ZNF467: variants seen among roughly 807,000 people sequenced by gnomAD.
The protein encoded by ZNF467 is zinc finger protein EZI.
ZNF467 carries 51 observed loss-of-function variants against 47.8 expected under a neutral mutation model. The observed-to-expected ratio is 1.07, with a 90% confidence interval of 0.85 to 1.35. ZNF467 has a LOEUF of 1.35. ZNF467 is among the 40% of genes most tolerant of loss of function. The pLI, the probability that ZNF467 is intolerant of heterozygous loss-of-function variation, is 0.00. For synonymous variants in ZNF467, 416 were observed against 372.9 expected (o/e 1.12, Z -1.33); for missense variants, 992 against 858.1 (o/e 1.16, Z -1.95).
In ZNF467 at chr7:149,764,415, C is replaced by G. The variant is rs185205901; in HGVS notation, c.*299G>C. The G allele has an allele frequency of 1.7e-6, 1 of 590,764 alleles. No homozygotes were observed. Among genetic ancestry groups the G allele is most frequent in the Non-Finnish European group, 3.0e-6 (1 of 331,066 alleles). 36.6% of individuals were successfully genotyped at this position (590,764 alleles called of 1,614,324 possible). On this transcript the variant is annotated 3_prime_UTR_variant, in exon 5 of 5. Coordinates refer to ENST00000302017, the MANE Select transcript of ZNF467 (RefSeq NM_207336.3). The stretch of plus-strand genomic sequence containing the variant: ...TAAGTACATAAATAACCACTCTTTC[C>G]TGCCCTGGTTGAGGCCGCGCTGGGT...
chr7:149,775,927 G>A, upstream of ZNF467: 1 of 782,060 alleles, frequency 1.3e-6, no homozygotes, highest in South Asian at 1.4e-5. Context: ...TGGGCTGCGG[G>A]GAGGCTGCGT....
At chr7:149,772,794 C>G (rs1799467117) in intron 1 of ZNF467, among the ~76,000 whole-genome samples, 1 of 138,862 alleles carries the variant, frequency 7.2e-6, no homozygotes, top group South Asian at 2.5e-4. Flanking sequence ...CCCTCCCACA[C>G]TCCCTCTCTC....
upstream of ZNF467, among the ~76,000 whole-genome samples, chr7:149,775,038 T>G (rs576903139): frequency 1.7e-3 from 263 of 152,136 alleles, no homozygotes; most frequent in African/African-American, 6.2e-3. Flanking sequence ...GGGACCAGGG[T>G]GGACCCCGGA....
At position 149,765,337 on chromosome 7, in the gene ZNF467, A is replaced by T; in HGVS notation, c.1165T>A (p.Cys389Ser). Residue 389 changes from cysteine (C) to serine (S), a missense_variant, in exon 5 of 5, where the codon TGC becomes AGC. Physicochemically the swap from Cys to Ser is moderately radical, Grantham distance 112 (BLOSUM62 -1). Transcript: ENST00000302017. Reference protein sequence around the residue: ...SEGRPFGCDECALGATVDAPA... With the variant: ...SEGRPFGCDESALGATVDAPA... The stretch of plus-strand genomic sequence containing the variant: ...GCATCCACGGTGGCGCCCAGTGCGC[A>T]CTCATCGCACCCAAAGGGGCGACCC... 6.6e-7 allele frequency: 1 copy of T among 1,517,242 alleles called. No individual in the cohort carries two copies. The highest frequency in any genetic ancestry group is 2.2e-4 in the Middle Eastern group (1 of 4,636). The allele number at this position is 1,517,242 out of a possible 1,614,324, so 94.0% of individuals were successfully genotyped here.
chr7:149,768,006 G>A (rs145557165), intron 4 of ZNF467, among the ~76,000 whole-genome samples: 14 of 152,200 alleles, frequency 9.2e-5, no homozygotes, highest in East Asian at 3.9e-4. Context: ...AGCCTAGAAC[G>A]TCTTCCCATC....
rs775928123 is a variant in ZNF467 at position 149,765,432 on chromosome 7, C to T, written c.1070G>A (p.Cys357Tyr). ...GCCGAAGCTCAAGCCGCAGTCGGAG[C>T]ACGCGAAAGGCTTTGGCCCGGGAAA... ...PSFPGPKPFA[C>Y]SDCGLSFGWK... The change falls in exon 5 of 5, where the codon TGC becomes TAC. Residue 357 changes from cysteine (C) to tyrosine (Y), a missense_variant. Cys to Tyr is a radical substitution (Grantham distance 194). Transcript: ENST00000302017. 2 of 1,580,026 alleles carry T rather than the reference C, an allele frequency of 1.3e-6. No homozygotes were observed. Among genetic ancestry groups the T allele is most frequent in the South Asian group, 1.2e-5 (1 of 86,460 alleles).
rs760312064 is a variant in ZNF467, at chr7:149,765,582, CGTGCGCACT to C, written c.911_919del (p.Gln304_Ala306del). The C allele has an allele frequency of 5.0e-5, 80 of 1,595,474 alleles. 1 individual carries two copies. The highest frequency in any genetic ancestry group is 4.8e-4 in the South Asian group (43 of 88,794). On this transcript the variant is annotated inframe_deletion, in exon 5 of 5. Coordinates refer to ENST00000302017, the MANE Select transcript of ZNF467 (RefSeq NM_207336.3). ...CAAGTGCTGCTTGTGCGTGAAGCTG[CGTGCGCACT>C]GTGCGCACTGGTAGGGCCTCTCGCC...
At chr7:149,773,882 C>A (rs935647221), upstream of ZNF467, among the ~76,000 whole-genome samples, 1 of 152,134 alleles carries the variant, frequency 6.6e-6, no homozygotes, top group Admixed American at 6.5e-5. Context: ...GTCCCGAGGA[C>A]CCGATTCGAA....
In ZNF467 at chr7:149,765,813, TG is replaced by T; in HGVS notation, c.688del (p.His230IlefsTer2). ...GTGCGTGCGCAGGTGGCGGGTCAGATGGGCCTTCTTGCTGAAGCGCTTGTCG... is the reference window on the plus strand; with the variant it reads ...GTGCGTGCGCAGGTGGCGGGTCAGATGGCCTTCTTGCTGAAGCGCTTGTCG... ...ECDKRFSKKA[H>X]LTRHLRTHTG... On this transcript the variant is annotated frameshift_variant, in exon 5 of 5. Transcript: ENST00000302017. LOFTEE classifies it high-confidence loss of function. 1 of 1,610,770 alleles carries T rather than the reference TG, an allele frequency of 6.2e-7. No homozygotes were observed. The highest frequency in any genetic ancestry group is 1.1e-5 in the South Asian group (1 of 90,676).
intron 4 of ZNF467, among the ~76,000 whole-genome samples, chr7:149,768,463 C>G (rs1036414212): frequency 1.3e-5 from 2 of 152,328 alleles, no homozygotes; most frequent in African/African-American, 4.8e-5. Flanking sequence ...CAAACCAGGT[C>G]CAGGTAACTC....
chr7:149,773,184 A>G lies in ZNF467; in HGVS notation c.-119T>C, dbSNP rs920422766. On this transcript the variant is annotated 5_prime_UTR_variant, in exon 1 of 5. Coordinates refer to ENST00000302017, the MANE Select transcript of ZNF467 (RefSeq NM_207336.3). Reference sequence around the variant, plus strand: ...TCCTGCCCCGCCGGCTCTGCTCACAATGGCGCTCGCCGCCTGCAGCTCGGG... The same window carrying G: ...TCCTGCCCCGCCGGCTCTGCTCACAGTGGCGCTCGCCGCCTGCAGCTCGGG... 5.3e-5 allele frequency: 8 copies of G among 150,408 alleles called. No individual in the cohort carries two copies. The highest frequency in any genetic ancestry group is 1.5e-4 in the African/African-American group (6 of 40,916). 9.3% of individuals were successfully genotyped at this position (150,408 alleles called of 1,614,324 possible).
At position 149,764,952 on chromosome 7, in the gene ZNF467, C is replaced by T; in HGVS notation, c.1550G>A (p.Cys517Tyr). The change falls in exon 5 of 5, where the codon TGC (cysteine) becomes TAC (tyrosine). Residue 517 changes from cysteine (C) to tyrosine (Y), a missense_variant. Coordinates refer to ENST00000302017, the MANE Select transcript of ZNF467 (RefSeq NM_207336.3). ...AVHTGSRPHA[C>Y]AVCARSFSSK... is the part of the protein sequence containing the mutation. ...GCTGAAGCTGCGGGCGCAGACGGCG[C>T]AGGCGTGGGGGCGGCTGCCAGTGTG... The T allele has an allele frequency of 6.3e-7, 1 of 1,585,378 alleles. No individual in the cohort carries two copies.
chr7:149,765,589 A>G lies in ZNF467; in HGVS notation c.913T>C (p.Cys305Arg), dbSNP rs755176689. The G allele has an allele frequency of 1.9e-6, 3 of 1,598,632 alleles. No homozygotes were observed. The highest frequency in any genetic ancestry group is 2.6e-6 in the Non-Finnish European group (3 of 1,172,760). The change falls in exon 5 of 5, where the codon TGC becomes CGC. Residue 305 changes from cysteine (C) to arginine (R), a missense_variant. Cys to Arg is a radical substitution (Grantham distance 180). Transcript: ENST00000302017. Reference sequence around the variant, plus strand: ...TGCTTGTGCGTGAAGCTGCGTGCGCACTGTGCGCACTGGTAGGGCCTCTCG... The same window carrying G: ...TGCTTGTGCGTGAAGCTGCGTGCGCGCTGTGCGCACTGGTAGGGCCTCTCG... ...TGERPYQCAQ[C>R]ARSFTHKQHL...
At position 149,773,485 on chromosome 7, in the gene ZNF467, G is replaced by GGGGGAGGGGA. The variant is rs368152481; in HGVS notation, c.-430_-421dup. On this transcript the variant is annotated 5_prime_UTR_variant, in exon 1 of 5. Coordinates refer to ENST00000302017, the MANE Select transcript of ZNF467 (RefSeq NM_207336.3). ...AGGTGTGGAAGTGGGAGCTCAGGAC[G>GGGGGAGGGGA]GGGGAGGGGAGGGGAGGGGAGGGGA... 1.0e-5 allele frequency: 1 copy of GGGGGAGGGGA among 98,370 alleles called. No individual in the cohort carries two copies. Among genetic ancestry groups the GGGGGAGGGGA allele is most frequent in the African/African-American group, 5.6e-5 (1 of 17,848 alleles). The allele number at this position is 98,370 out of a possible 1,614,324, so 6.1% of individuals were successfully genotyped here. A position where few individuals can be genotyped will look rare whatever the true frequency, so the allele number is the denominator to read the frequency against.
intron 1 of ZNF467, among the ~76,000 whole-genome samples, 189 bp downstream of exon 1, chr7:149,772,919 G>A (rs1799472566): frequency 8.5e-6 from 1 of 117,404 alleles, no homozygotes; most frequent in Non-Finnish European, 1.7e-5. Context: ...CCCTCACCCT[G>A]CCCGCGCCGG....
In ZNF467 at chr7:149,770,503, A is replaced by C. The variant is rs1362462980; in HGVS notation, c.88T>G (p.Ser30Ala). ...GACATCTGCTCCTGGGCATTATGGG[A>C]TCCTTCCCTGGGCTCACTTTGGGGG... ...MAPQSEPREG[S>A]HNAQEQMSSS... is the part of the protein sequence containing the mutation. Residue 30 changes from serine to alanine, a missense_variant, in exon 3 of 5, where the codon TCC becomes GCC. Physicochemically the swap from Ser to Ala is moderately conservative, Grantham distance 99 (BLOSUM62 1). Transcript: ENST00000302017. The C allele has an allele frequency of 1.4e-5, 23 of 1,613,680 alleles. No individual in the cohort carries two copies. Among genetic ancestry groups the C allele is most frequent in the Non-Finnish European group, 1.7e-5 (20 of 1,179,904 alleles).
rs536570632 is a variant in ZNF467, at chr7:149,769,972, C to T, written c.151+468G>A. 6.6e-6 allele frequency among the ~76,000 whole-genome samples: 1 copy of T among 152,128 alleles called. No individual in the cohort carries two copies. The highest frequency in any genetic ancestry group is 2.4e-5 in the African/African-American group (1 of 41,412). On this transcript the variant is annotated intron_variant, in intron 3 of 4. Transcript: ENST00000302017. The surrounding 1 kb of genome is among the most constrained non-coding windows in gnomAD (Gnocchi z 5.3). ...GAATACAGGCATAAGCCACCATGCC[C>T]GGCTTCCCCAAGCTCCTTCAAATCC...
At chr7:149,771,523 G>A (rs117792503) in intron 1 of ZNF467, among the ~76,000 whole-genome samples, 1,809 of 152,250 alleles carry the variant, frequency 0.012, 18 homozygotes, top group Non-Finnish European at 0.019. Context: ...CAGCCCAGGG[G>A]CGGGAGTGAG....
Position 149,764,425 on chromosome 7 carries a change from T to C in ZNF467, c.*289A>G. On this transcript the variant is annotated 3_prime_UTR_variant, in exon 5 of 5. Transcript: ENST00000302017. ...AATAACCACTCTTTCCTGCCCTGGT[T>C]GAGGCCGCGCTGGGTCCGGGAAATA... is the stretch of plus-strand genomic sequence containing the variant. 8.3e-6 allele frequency: 5 copies of C among 602,494 alleles called. No individual in the cohort carries two copies. The highest frequency in any genetic ancestry group is 2.6e-4 in the Middle Eastern group (1 of 3,910). 37.3% of individuals were successfully genotyped at this position (602,494 alleles called of 1,614,324 possible). A position where few individuals can be genotyped will look rare whatever the true frequency, so the allele number is the denominator to read the frequency against.
Sources: gnomAD v4.1 joint callset for allele counts (sites outside exome capture counted in the v4.1 genomes callset) on GRCh38, gnomAD v4.1.1 for gene constraint, Gnocchi (gnomAD v3.1) non-coding constraint, MANE v1.5 for transcripts, NCBI Gene and HGNC (gene_info 2026-07-23, HGNC 2026-07-21) for gene names.